Variants in COL9A3 observed in about 807,000 individuals in gnomAD.
The protein encoded by COL9A3 is collagen alpha-3(IX) chain.
In COL9A3, 82 loss-of-function variants were observed where a neutral mutation model predicts 110.2. The ratio of observed to expected loss-of-function variants is 0.74; its 90% CI spans 0.62 to 0.89. The LOEUF is 0.89. COL9A3 is among the 40% of genes least tolerant of loss of function. The pLI, the probability that COL9A3 is intolerant of heterozygous loss-of-function variation, is 0.00. For synonymous variants in COL9A3, 494 were observed against 403.8 expected (o/e 1.22, Z -2.68); for missense variants, 1,066 against 981.3 (o/e 1.09, Z -1.15).
In COL9A3 at chr20:62,835,905, A is replaced by G. The variant is rs745547693; in HGVS notation, c.1369-16A>G. On this transcript the variant is annotated splice_polypyrimidine_tract_variant and intron_variant, in intron 26 of 31. Coordinates refer to ENST00000649368, the MANE Select transcript of COL9A3 (RefSeq NM_001853.4). ...ACAATACACTTAGTTCAAACACACAACTTTTCTCTTCACAGGGTCCCAGCG... is the reference window on the plus strand; with the variant it reads ...ACAATACACTTAGTTCAAACACACAGCTTTTCTCTTCACAGGGTCCCAGCG... 25 of 1,614,088 alleles carry G rather than the reference A, an allele frequency of 1.5e-5. No homozygotes were observed. The highest frequency in any genetic ancestry group is 3.3e-4 in the Middle Eastern group (2 of 6,084).
At chr20:62,834,682 C>CA (rs1303951540) in intron 26 of COL9A3, among the ~76,000 whole-genome samples, 2 of 151,714 alleles carry the variant, frequency 1.3e-5, no homozygotes, top group Non-Finnish European at 2.9e-5. Flanking sequence ...CTTGCTCTGT[C>CA]CCCAGGCTGG....
At chr20:62,819,384 C>T in intron 4 of COL9A3, 91 bp downstream of exon 4, 1 of 1,294,520 alleles carries the variant, frequency 7.7e-7, no homozygotes. Flanking sequence ...CCAGCTGGGC[C>T]TGCTCAGGCG....
chr20:62,827,535 G>A (rs1191274093), intron 16 of COL9A3, among the ~76,000 whole-genome samples: 1 of 152,168 alleles, frequency 6.6e-6, no homozygotes, highest in East Asian at 1.9e-4. Flanking sequence ...CCCACGAGCC[G>A]GGTGGAGGGA....
Position 62,829,519 on chromosome 20 carries a change from T to C in COL9A3, c.1053+20T>C. 6.2e-7 allele frequency: 1 copy of C among 1,612,636 alleles called. No individual in the cohort carries two copies. Among genetic ancestry groups the C allele is most frequent in the Non-Finnish European group, 8.5e-7 (1 of 1,179,814 alleles). ...GAACGGGTATGTGGCTGCAGCCGCTTTCTCTCTGGGAGGGGAGGCGAGGGG... is the reference window on the plus strand; with the variant it reads ...GAACGGGTATGTGGCTGCAGCCGCTCTCTCTCTGGGAGGGGAGGCGAGGGG... On this transcript the variant is annotated intron_variant, in intron 20 of 31. Transcript: ENST00000649368.
intron 18 of COL9A3, 42 bp from the exon 19 acceptor site, chr20:62,828,881 G>A (rs745584006): frequency 1.2e-6 from 2 of 1,612,314 alleles, no homozygotes; most frequent in South Asian, 2.2e-5. Flanking sequence ...GCCTCCCGAG[G>A]CCTCAGCCTC....
rs576836403 is a variant in COL9A3 at position 62,823,830 on chromosome 20, C to T, written c.520-615C>T. Among the ~76,000 whole-genome samples, 5 of 152,378 alleles carry T rather than the reference C, an allele frequency of 3.3e-5. No individual in the cohort carries two copies. In the South Asian group the frequency reaches 6.2e-4, roughly 19 times the overall value. On this transcript the variant is annotated intron_variant, in intron 10 of 31. Transcript: ENST00000649368. ...GCTGCTGCAAGGCCCCCTGCAGTGC[C>T]GGCCGGGACTGTGCTGAATGGCTGC...
chr20:62,821,296 G>A, intron 6 of COL9A3, 80 bp downstream of exon 6: 1 of 1,470,148 alleles, frequency 6.8e-7, no homozygotes, highest in South Asian at 1.2e-5. Context: ...GTGGCCTCCA[G>A]GAATCCCAGG....
intron 13 of COL9A3, 100 bp downstream of exon 13, chr20:62,825,970 G>C (rs1028985130): frequency 7.6e-5 from 104 of 1,363,660 alleles, no homozygotes; most frequent in Non-Finnish European, 9.8e-5. Context: ...GCTCCGGCTG[G>C]GGGGTGTTTG....
chr20:62,827,302 A>G lies in COL9A3; in HGVS notation c.846+8A>G. ...GGCCCCAAGGGTGACCTCGTAAGTG[A>G]GAGGGAAGTTGGTTCCCTGGGTCCT... is the stretch of plus-strand genomic sequence containing the variant. On this transcript the variant is annotated splice_region_variant and intron_variant, in intron 16 of 31. Coordinates refer to ENST00000649368, the MANE Select transcript of COL9A3 (RefSeq NM_001853.4). The G allele has an allele frequency of 6.2e-7, 1 of 1,612,914 alleles. No individual in the cohort carries two copies. Among genetic ancestry groups the G allele is most frequent in the Non-Finnish European group, 8.5e-7 (1 of 1,179,886 alleles).
At chr20:62,836,061 A>G (rs1030111142) in intron 27 of COL9A3, 108 bp downstream of exon 27, 93 of 1,606,316 alleles carry the variant, frequency 5.8e-5, no homozygotes, top group Non-Finnish European at 7.7e-5. Context: ...CAGATCCGAG[A>G]TGTAAAAAAG....
rs530159795 is a variant in COL9A3, at chr20:62,818,129, CG to C, written c.148-387del. Among the ~76,000 whole-genome samples the C allele has an allele frequency of 3.8e-3, 580 of 152,242 alleles. 3 individuals carry two copies. Among genetic ancestry groups the C allele is most frequent in the Middle Eastern group, 0.017 (5 of 292 alleles). ...TGAAATTCTACAATTGTGCCTCCCT[CG>C]GAGGGACCGTCTGGGGTGAACCTCC... On this transcript the variant is annotated intron_variant, in intron 2 of 31. Transcript: ENST00000649368.
chr20:62,835,817 A>G (rs967672158), intron 26 of COL9A3, 104 bp from the exon 27 acceptor site: 3 of 1,138,266 alleles, frequency 2.6e-6, no homozygotes, highest in African/African-American at 3.0e-5. Flanking sequence ...GATGTAGTCT[A>G]ATAGCAGGTG....
At chr20:62,819,006 G>A (rs888227739) in intron 3 of COL9A3, among the ~76,000 whole-genome samples, 2 of 152,220 alleles carry the variant, frequency 1.3e-5, no homozygotes, top group Admixed American at 6.5e-5. Flanking sequence ...CTGAGGGATG[G>A]GGCGGGCAGC....
In COL9A3 at chr20:62,837,160, C is replaced by T. The variant is rs756782482; in HGVS notation, c.1681C>T (p.Pro561Ser). The change falls in exon 30 of 32, where the codon CCC (proline) becomes TCC (serine). Residue 561 changes from proline (P) to serine (S), a missense_variant. Transcript: ENST00000649368. ...CATTGGTCGGCCCGGTCCAGCTGGC[C>T]CCCCTGGGCCCCCAGGACCCCCAGG... The part of the protein sequence containing the change: ...GSIGRPGPAG[P>S]PGPPGPPGSI... 5 of 1,612,934 alleles carry T rather than the reference C, an allele frequency of 3.1e-6. No individual in the cohort carries two copies. The Admixed American group carries it at 5.0e-5, about 16-fold the overall frequency.
intron 13 of COL9A3, 118 bp from the exon 14 acceptor site, chr20:62,826,086 G>A: frequency 8.2e-7 from 1 of 1,224,768 alleles, no homozygotes; most frequent in African/African-American, 1.5e-5. Flanking sequence ...CTGAGCTGAG[G>A]CTGAGGGCTC....
chr20:62,833,119 G>A, intron 26 of COL9A3, 55 bp downstream of exon 26: 1 of 1,441,256 alleles, frequency 6.9e-7, no homozygotes, highest in Non-Finnish European at 9.8e-7. Context: ...GGTCGCCACT[G>A]TGGCTGGGGA....
At chr20:62,821,462 C>T (rs769256930) in intron 6 of COL9A3, 45 bp from the exon 7 acceptor site, 5 of 1,612,344 alleles carry the variant, frequency 3.1e-6, no homozygotes, top group East Asian at 2.2e-5. Flanking sequence ...GAGGCGCAGC[C>T]CTTCTTGTGC....
intron 2 of COL9A3, 136 bp from the exon 3 acceptor site, chr20:62,818,382 G>A (rs1416443695): frequency 1.2e-5 from 10 of 837,594 alleles, no homozygotes; most frequent in Non-Finnish European, 2.1e-5. Flanking sequence ...GGGATCGGGG[G>A]CTCAGGGGCC....
chr20:62,832,981 A>C, intron 25 of COL9A3, 39 bp from the exon 26 acceptor site: 1 of 1,600,880 alleles, frequency 6.2e-7, no homozygotes, highest in Non-Finnish European at 8.6e-7. Context: ...CTACTCATGC[A>C]TGAACAGCTC....
Sources: gnomAD v4.1 joint callset for allele counts (sites outside exome capture counted in the v4.1 genomes callset) on GRCh38, gnomAD v4.1.1 for gene constraint, MANE v1.5 for transcripts, NCBI Gene and HGNC (gene_info 2026-07-23, HGNC 2026-07-21) for gene names.